The following CCDC91 variants were observed in gnomAD, a reference collection of about 807,000 sequenced individuals.
The protein encoded by CCDC91 is coiled-coil domain-containing protein 91.
In CCDC91, 48 loss-of-function variants were observed where a neutral mutation model predicts 63.2. The ratio of observed to expected loss-of-function variants is 0.76; its 90% CI spans 0.60 to 0.97. The LOEUF is 0.97. Ranked by LOEUF, CCDC91 falls within the 50% of genes least tolerant of loss-of-function variation. The pLI, the probability that CCDC91 is intolerant of heterozygous loss-of-function variation, is 0.00. For synonymous variants in CCDC91, 167 were observed against 165.8 expected (o/e 1.01, Z -0.06); for missense variants, 500 against 494.6 (o/e 1.01, Z -0.10).
intron 6 of CCDC91, among the ~76,000 whole-genome samples, chr12:28,309,457 A>G (rs1939088621): frequency 6.6e-6 from 1 of 152,042 alleles, no homozygotes; most frequent in Non-Finnish European, 1.5e-5. Flanking sequence ...CCAACACTCC[A>G]TGTTGTTAAA....
chr12:28,389,253 T>A (rs1210697949), intron 7 of CCDC91, among the ~76,000 whole-genome samples: 1 of 152,130 alleles, frequency 6.6e-6, no homozygotes, highest in Non-Finnish European at 1.5e-5. Context: ...TGTGTGATGA[T>A]CAAGGGAATG....
intron 12 of CCDC91, among the ~76,000 whole-genome samples, chr12:28,526,549 C>G (rs1941281450): frequency 6.6e-6 from 1 of 152,106 alleles, no homozygotes; most frequent in South Asian, 2.1e-4. Context: ...TGTCCTCCAT[C>G]TTAACTTTAG....
chr12:28,346,872 C>T (rs573198078), intron 6 of CCDC91, among the ~76,000 whole-genome samples: 13 of 152,220 alleles, frequency 8.5e-5, no homozygotes, highest in African/African-American at 1.9e-4. Context: ...TGTTGGGGGA[C>T]GGGACTGAAT....
At chr12:28,389,171 T>A (rs1382707324) in intron 7 of CCDC91, among the ~76,000 whole-genome samples, 1 of 152,106 alleles carries the variant, frequency 6.6e-6, no homozygotes, top group Non-Finnish European at 1.5e-5. Context: ...TTGTGTATAG[T>A]GGTGAGTCTA....
chr12:28,232,973 CAAAA>C (rs35495535), intron 1 of CCDC91, among the ~76,000 whole-genome samples: 1 of 87,512 alleles, frequency 1.1e-5, no homozygotes, highest in African/African-American at 3.8e-5. Context: ...ACTCTATCTC[CAAAA>C]AAAAAAAAAA....
At chr12:28,452,347 A>T in intron 10 of CCDC91, 131 bp from the exon 11 acceptor site, 1 of 517,114 alleles carries the variant, frequency 1.9e-6, no homozygotes, top group Non-Finnish European at 3.4e-6. Context: ...TTTACTATGC[A>T]TAAAAACAGC....
intron 11 of CCDC91, among the ~76,000 whole-genome samples, chr12:28,480,703 A>G (rs1951398875): frequency 6.6e-6 from 1 of 152,044 alleles, no homozygotes; most frequent in Non-Finnish European, 1.5e-5. Flanking sequence ...GTGTAGAAAC[A>G]AAAAATAAGT....
intron 8 of CCDC91, among the ~76,000 whole-genome samples, chr12:28,398,100 C>T (rs1248062931): frequency 6.6e-6 from 1 of 152,076 alleles, no homozygotes; most frequent in African/African-American, 2.4e-5. Context: ...GAAATATATA[C>T]ACTCATATAT....
At chr12:28,494,738 A>G (rs1478979703) in intron 12 of CCDC91, among the ~76,000 whole-genome samples, 7 of 151,730 alleles carry the variant, frequency 4.6e-5, no homozygotes, top group Non-Finnish European at 1.0e-4. Flanking sequence ...CACAGCTGTT[A>G]TAGGTGTTCT....
At chr12:28,379,485 A>C (rs1214585272) in intron 7 of CCDC91, among the ~76,000 whole-genome samples, 1 of 152,002 alleles carries the variant, frequency 6.6e-6, no homozygotes, top group Admixed American at 6.6e-5. Flanking sequence ...ACCCCATCAA[A>C]AAGTGGGCAA....
chr12:28,526,890 T>G (rs1185226485), intron 12 of CCDC91, among the ~76,000 whole-genome samples: 1 of 152,034 alleles, frequency 6.6e-6, no homozygotes, highest in East Asian at 1.9e-4. Flanking sequence ...GCTTGTTCAA[T>G]TCTATTGCTG....
rs563993008 is a variant in CCDC91 at position 28,528,523 on chromosome 12, T to C, written c.1216-20540T>C. 3.5e-3 allele frequency among the ~76,000 whole-genome samples: 534 copies of C among 152,220 alleles called. 4 individuals are homozygous for C. Among genetic ancestry groups the C allele is most frequent in the Non-Finnish European group, 5.8e-3 (393 of 67,998 alleles). The stretch of plus-strand genomic sequence containing the variant: ...GGAGCAATCCACTTCCTTCAGAGGG[T>C]CTGTGGGTTCTCTTGGCTTTCCTAA... On this transcript the variant is annotated intron_variant, in intron 12 of 12. Transcript: ENST00000536442.
chr12:28,423,474 A>G (rs1334264594), intron 8 of CCDC91, among the ~76,000 whole-genome samples: 1 of 152,176 alleles, frequency 6.6e-6, no homozygotes, highest in Non-Finnish European at 1.5e-5. Context: ...CTTGGAGGAT[A>G]GGACTATGGT....
chr12:28,264,373 T>G (rs1470114710), intron 3 of CCDC91, among the ~76,000 whole-genome samples: 1 of 150,242 alleles, frequency 6.7e-6, no homozygotes, highest in Non-Finnish European at 1.5e-5. Context: ...ATTAATAATT[T>G]TTTTTGGCTA....
At chr12:28,354,380 T>A (rs1305397496) in intron 6 of CCDC91, among the ~76,000 whole-genome samples, 1 of 152,190 alleles carries the variant, frequency 6.6e-6, no homozygotes, top group East Asian at 1.9e-4. Flanking sequence ...TAATTGGACT[T>A]TGGGCCCATC....
At position 28,549,139 on chromosome 12, in the gene CCDC91, C is replaced by A; in HGVS notation, c.1292C>A (p.Ala431Asp). 1 of 1,611,506 alleles carries A rather than the reference C, an allele frequency of 6.2e-7. No homozygotes were observed. The highest frequency in any genetic ancestry group is 1.1e-5 in the South Asian group (1 of 91,000). The change falls in exon 13 of 13, where the codon GCT (alanine) becomes GAT (aspartate). Residue 431 changes from alanine (A) to aspartate (D), a missense_variant. Transcript: ENST00000536442. ...TCCTGTGCACAGAAACAGTTAAGTGCTTTAATAGCTACGGAACCAGTTGAC... is the reference window on the plus strand; with the variant it reads ...TCCTGTGCACAGAAACAGTTAAGTGATTTAATAGCTACGGAACCAGTTGAC... ...FLSCAQKQLS[A>D]LIATEPVDIE
At chr12:28,329,567 G>C (rs1483912663) in intron 6 of CCDC91, among the ~76,000 whole-genome samples, 1 of 152,006 alleles carries the variant, frequency 6.6e-6, no homozygotes, top group African/African-American at 2.4e-5. Context: ...GACAGACATA[G>C]TGTATATAGA....
rs74811819 is a variant in CCDC91 at position 28,362,712 on chromosome 12, A to G, written c.654+197A>G. ...AAGGTAATATTAGACACTGTTCTGA[A>G]TTTGAGAAAGTTTGAGAATATTTGA... is the stretch of plus-strand genomic sequence containing the variant. On this transcript the variant is annotated intron_variant, in intron 7 of 12. Transcript: ENST00000536442. 9.2e-3 allele frequency among the ~76,000 whole-genome samples: 1,405 copies of G among 152,324 alleles called. 27 individuals carry two copies. Among genetic ancestry groups the G allele is most frequent in the African/African-American group, 0.032 (1,335 of 41,578 alleles).
intron 1 of CCDC91, among the ~76,000 whole-genome samples, chr12:28,196,035 G>A (rs1369021756): frequency 1.8e-4 from 28 of 152,280 alleles, no homozygotes; most frequent in Non-Finnish European, 2.8e-4. Flanking sequence ...AGCCTGGGAG[G>A]TAGAGGCTGC....
Sources: gnomAD v4.1 joint callset for allele counts (sites outside exome capture counted in the v4.1 genomes callset) on GRCh38, gnomAD v4.1.1 for gene constraint, MANE v1.5 for transcripts, NCBI Gene and HGNC (gene_info 2026-07-23, HGNC 2026-07-21) for gene names.